FAM9A: variants seen among roughly 807,000 people sequenced by gnomAD.
The protein encoded by FAM9A is protein FAM9A.
A neutral mutation model predicts 25.0 loss-of-function variants in FAM9A; 49 were observed. The observed-to-expected ratio is 1.96, with a 90% CI of 1.56 to 2.48. The LOEUF is 2.48. Ranked by LOEUF, FAM9A falls within the 30% of genes most tolerant of loss-of-function variation. FAM9A has a pLI of 0.00. For synonymous variants in FAM9A, 80 were observed against 85.1 expected (o/e 0.94, Z 0.33); for missense variants, 266 against 249.3 (o/e 1.07, Z -0.45).
In FAM9A at chrX:8,793,018, C is replaced by T. The variant is rs776063888; in HGVS notation, c.930+640G>A. On this transcript the variant is annotated intron_variant, in intron 8 of 9. Coordinates refer to ENST00000381003, the MANE Select transcript of FAM9A (RefSeq NM_174951.3). ...ATGACTACAAATTGTCATGTAAAACCATTACTAGTCGCTGATAATTTTGAA... is the reference window on the plus strand; with the variant it reads ...ATGACTACAAATTGTCATGTAAAACTATTACTAGTCGCTGATAATTTTGAA... Among the ~76,000 whole-genome samples, 8 of 112,221 alleles carry T rather than the reference C, an allele frequency of 7.1e-5. No individual in the cohort carries two copies. The South Asian group carries it at 2.9e-3, about 41-fold the overall frequency.
At chrX:8,794,842 C>T (rs769386830) in intron 7 of FAM9A, among the ~76,000 whole-genome samples, 1 of 112,086 alleles carries the variant, frequency 8.9e-6, no homozygotes, top group Non-Finnish European at 1.9e-5. Context: ...CCTACAGCTG[C>T]TTTTGCACAA....
chrX:8,795,108 TTCC>T lies in FAM9A; in HGVS notation c.798_800del (p.Glu275del). On this transcript the variant is annotated inframe_deletion, in exon 7 of 10. Coordinates refer to ENST00000381003, the MANE Select transcript of FAM9A (RefSeq NM_174951.3). ...GTTCTTCCTCTTCCTCTTCTTCTTCTTCCTCTTCCTCTTCTTCTGTTTCTTCTC... is the reference window on the plus strand; with the variant it reads ...GTTCTTCCTCTTCCTCTTCTTCTTCTTCTTCCTCTTCTTCTGTTTCTTCTC... 8.7e-7 allele frequency: 1 copy of T among 1,145,659 alleles called. No homozygotes were observed. Among genetic ancestry groups the T allele is most frequent in the African/African-American group, 1.8e-5 (1 of 56,062 alleles). 94.4% of individuals were successfully genotyped at this position (1,145,659 alleles called of 1,213,427 possible). A position where few individuals can be genotyped will look rare whatever the true frequency, so the allele number is the denominator to read the frequency against.
Position 8,791,325 on chromosome X carries a change from C to A in FAM9A, c.985G>T (p.Glu329Ter). ...TAAAAACACGGCTAGTTATCAAGTT[C>A]ACTTTCTTCACTGGAAGAAATGATG... Reference protein sequence around the residue: ...YCIISSSEESELDN With the variant: ...YCIISSSEES Residue 329 changes from glutamate (E) to a stop codon, truncating the protein, a stop_gained, in exon 9 of 10, where the codon GAA (glutamate) becomes TAA (stop). Coordinates refer to ENST00000381003, the MANE Select transcript of FAM9A (RefSeq NM_174951.3). LOFTEE classifies it high-confidence loss of function. The A allele has an allele frequency of 8.3e-7, 1 of 1,205,741 alleles. No homozygotes were observed. The highest frequency in any genetic ancestry group is 1.1e-6 in the Non-Finnish European group (1 of 892,370).
chrX:8,801,367 G>C lies in FAM9A; in HGVS notation c.-95C>G, dbSNP rs779372548. 1.8e-5 allele frequency: 2 copies of C among 112,104 alleles called. No individual in the cohort carries two copies. The highest frequency in any genetic ancestry group is 5.7e-4 in the East Asian group (2 of 3,500). 9.2% of individuals were successfully genotyped at this position (112,104 alleles called of 1,213,427 possible). ...AACCTGCAGGCACTGGCACCACGAC[G>C]CTCTCTTAGAAAAATGGGTCCTCAG... On this transcript the variant is annotated 5_prime_UTR_variant, in exon 1 of 10. Coordinates refer to ENST00000381003, the MANE Select transcript of FAM9A (RefSeq NM_174951.3).
chrX:8,794,627 C>T (rs998691808), intron 7 of FAM9A, among the ~76,000 whole-genome samples: 1 of 111,479 alleles, frequency 9.0e-6, no homozygotes, highest in African/African-American at 3.3e-5. Flanking sequence ...CACTTCAGTA[C>T]TACAGCTCAG....
intron 8 of FAM9A, among the ~76,000 whole-genome samples, chrX:8,792,200 C>T (rs1933478393): frequency 9.0e-6 from 1 of 110,949 alleles, no homozygotes; most frequent in Non-Finnish European, 1.9e-5. Flanking sequence ...GGGCGGCAAG[C>T]CTAAGAGGGG....
chrX:8,800,143 C>A lies in FAM9A; in HGVS notation c.29G>T (p.Arg10Met). 2 of 1,209,588 alleles carry A rather than the reference C, an allele frequency of 1.7e-6. No homozygotes were observed. Among genetic ancestry groups the A allele is most frequent in the Non-Finnish European group, 2.2e-6 (2 of 894,439 alleles). The change falls in exon 2 of 10, where the codon AGG (arginine) becomes ATG (methionine). Residue 10 changes from arginine (R) to methionine (M), a missense_variant. By Grantham distance (91) the Arg-to-Met change is moderately conservative. Coordinates refer to ENST00000381003, the MANE Select transcript of FAM9A (RefSeq NM_174951.3). ...TTCCAACTGAGCTTTGGCAGCCTTC[C>A]TGCTGCGCTTCCTGCCCACGGGCTC... Reference protein sequence around the residue: MEPVGRKRSRKAAKAQLEAQ... With the variant: MEPVGRKRSMKAAKAQLEAQ...
intron 2 of FAM9A, among the ~76,000 whole-genome samples, chrX:8,799,315 C>G (rs1397400659): frequency 2.7e-5 from 3 of 110,835 alleles, no homozygotes; most frequent in Non-Finnish European, 3.8e-5. Context: ...GCCTCGCACA[C>G]CTGAATGGCC....
rs752573112 is a variant in FAM9A, at chrX:8,800,475, T to C, written c.-38-266A>G. Among the ~76,000 whole-genome samples the C allele has an allele frequency of 1.4e-3, 152 of 109,189 alleles. 1 individual carries two copies. Among genetic ancestry groups the C allele is most frequent in the Non-Finnish European group, 1.8e-3 (94 of 52,037 alleles). The allele number at this position is 109,189 out of a possible 115,157, so 94.8% of individuals were successfully genotyped here. The stretch of plus-strand genomic sequence containing the variant: ...TCCTTGCGGTGTCCCTGGGACAGAG[T>C]TCAGCCCTGCCCCTGTGTGCCCCAG... On this transcript the variant is annotated intron_variant, in intron 1 of 9. Coordinates refer to ENST00000381003, the MANE Select transcript of FAM9A (RefSeq NM_174951.3).
chrX:8,799,048 G>A lies in FAM9A; in HGVS notation c.138C>T (p.Pro46=), dbSNP rs751592118. 5 of 1,211,027 alleles carry A rather than the reference G, an allele frequency of 4.1e-6. No individual in the cohort carries two copies. The highest frequency in any genetic ancestry group is 5.9e-5 in the East Asian group (2 of 33,763). Residue 46 remains proline, a synonymous_variant, in exon 3 of 10, where the codon CCC becomes CCT. Coordinates refer to ENST00000381003, the MANE Select transcript of FAM9A (RefSeq NM_174951.3). ...SNFPGQPTME[P]VGRKRSRKAA... ...CCTTCCTGCTGCGCTTCCTGCCCAC[G>A]GGCTCCATGGTTGGCTGTCCTGGGA...
chrX:8,791,313 A>T lies in FAM9A; in HGVS notation c.997T>A (p.Ter333LysextTer4), dbSNP rs768509456. ...CACGATTCTTTTTAAAAACACGGCT[A>T]GTTATCAAGTTCACTTTCTTCACTG... ...SSSEESELDN* is the reference protein window; with the variant it reads ...SSSEESELDNK Residue 333 changes from the stop codon to lysine (K), a stop_lost, in exon 9 of 10, where the codon TAG becomes AAG. Coordinates refer to ENST00000381003, the MANE Select transcript of FAM9A (RefSeq NM_174951.3). 10 of 1,201,063 alleles carry T rather than the reference A, an allele frequency of 8.3e-6. No homozygotes were observed. The East Asian group carries it at 1.8e-4, about 21-fold the overall frequency.
intron 3 of FAM9A, 50 bp downstream of exon 3, chrX:8,798,916 C>G (rs779785214): frequency 2.5e-6 from 3 of 1,208,538 alleles, no homozygotes; most frequent in Non-Finnish European, 3.4e-6. Context: ...GCAGACAGAC[C>G]GTCCTCTTGG....
chrX:8,798,915 C>T (rs1206200661), intron 3 of FAM9A, 51 bp downstream of exon 3: 39 of 1,207,796 alleles, frequency 3.2e-5, no homozygotes, highest in Non-Finnish European at 4.0e-5. Context: ...AGCAGACAGA[C>T]CGTCCTCTTG....
At position 8,795,151 on chromosome X, in the gene FAM9A, C is replaced by T; in HGVS notation, c.758G>A (p.Gly253Glu). ...TGTTTCTTCTCCTTCTCCTCCTCCT[C>T]CTCCTTCTTCTCCTTCTTCTCCTCC... ...EGGGEEGEEG[G>E]GGGEGEETEE... is the part of the protein sequence containing the mutation. The change falls in exon 7 of 10, where the codon GGA becomes GAA. Residue 253 changes from glycine to glutamate, a missense_variant. Physicochemically the swap from Gly to Glu is moderately conservative, Grantham distance 98. Coordinates refer to ENST00000381003, the MANE Select transcript of FAM9A (RefSeq NM_174951.3). 9.3e-7 allele frequency: 1 copy of T among 1,071,700 alleles called. No homozygotes were observed. The highest frequency in any genetic ancestry group is 1.3e-6 in the Non-Finnish European group (1 of 786,926). 88.3% of individuals were successfully genotyped at this position (1,071,700 alleles called of 1,213,427 possible).
intron 3 of FAM9A, among the ~76,000 whole-genome samples, 197 bp from the exon 4 acceptor site, chrX:8,798,676 A>G (rs1378018207): frequency 8.9e-6 from 1 of 112,762 alleles, no homozygotes; most frequent in Non-Finnish European, 1.9e-5. Context: ...TTCAAGTCCT[A>G]GTAAACAACG....
At chrX:8,799,562 C>A (rs1311382286) in intron 2 of FAM9A, among the ~76,000 whole-genome samples, 8 of 101,590 alleles carry the variant, frequency 7.9e-5, no homozygotes, top group African/African-American at 2.9e-4. Context: ...AACTGTCCCC[C>A]ACAACACCCC....
rs370579799 is a variant in FAM9A at position 8,800,074 on chromosome X, C to G, written c.91+7G>C. The G allele has an allele frequency of 1.0e-5, 12 of 1,204,323 alleles. No individual in the cohort carries two copies. Among genetic ancestry groups the G allele is most frequent in the African/African-American group, 1.8e-5 (1 of 55,917 alleles). On this transcript the variant is annotated splice_region_variant and intron_variant, in intron 2 of 9. Transcript: ENST00000381003. ...AGAGCAAACAGACCATCTCCTTGGG[C>G]GTGCACCTTCTTTCGTGGCCCCCTG...
chrX:8,798,037 G>C, intron 5 of FAM9A, 113 bp downstream of exon 5: 1 of 690,833 alleles, frequency 1.4e-6, no homozygotes, highest in Non-Finnish European at 2.2e-6. Context: ...TGCTATATAT[G>C]AGAAGAAGGC....
rs746887776 is a variant in FAM9A at position 8,795,083 on chromosome X, G to GTTCTTCCTCTTCCTCTTCTTC, written c.805_825dup (p.Glu269_Glu275dup). The GTTCTTCCTCTTCCTCTTCTTC allele has an allele frequency of 9.3e-5, 109 of 1,173,450 alleles. No individual in the cohort carries two copies. The highest frequency in any genetic ancestry group is 2.4e-4 in the Middle Eastern group (1 of 4,179). ...AAGCTAAGCCTGATACCAACAATTT[G>GTTCTTCCTCTTCCTCTTCTTC]TTCTTCCTCTTCCTCTTCTTCTTCT... On this transcript the variant is annotated inframe_insertion, in exon 7 of 10. Transcript: ENST00000381003.
Sources: gnomAD v4.1 joint callset for allele counts (sites outside exome capture counted in the v4.1 genomes callset) on GRCh38, gnomAD v4.1.1 for gene constraint, MANE v1.5 for transcripts, NCBI Gene and HGNC (gene_info 2026-07-23, HGNC 2026-07-21) for gene names.